The following CHFR variants were observed in gnomAD, a reference collection of about 807,000 sequenced individuals.
CHFR encodes the protein checkpoint with forkhead and ring finger domains, also known as E3 ubiquitin-protein ligase CHFR.
Under a neutral mutation model 87.6 loss-of-function variants are expected in CHFR, and 57 were observed. The observed-to-expected ratio is 0.65, with a 90% CI of 0.53 to 0.81. The LOEUF is 0.81. Among genes scored for constraint, CHFR ranks in the 30% least tolerant of loss-of-function variants. CHFR has a pLI of 0.00. For missense variants in CHFR, 797 were observed against 865.8 expected, an observed-to-expected ratio of 0.92 and a Z score of 1.00; for synonymous variants, 381 against 359.2, an observed-to-expected ratio of 1.06 and a Z score of -0.69.
At chr12:132,874,502 G>C (rs1410854773) in intron 3 of CHFR, among the ~76,000 whole-genome samples, 1 of 150,964 alleles carries the variant, frequency 6.6e-6, no homozygotes, top group Non-Finnish European at 1.5e-5. Context: ...CCTGGAACAG[G>C]TGGGAAGGCC....
chr12:132,844,925 G>A (rs991275062), intron 15 of CHFR, among the ~76,000 whole-genome samples: 1 of 152,076 alleles, frequency 6.6e-6, no homozygotes, highest in Non-Finnish European at 1.5e-5. Flanking sequence ...GAGCCTCCAC[G>A]CCCGGCCCCA....
chr12:132,843,117 T>G (rs1028946628), intron 16 of CHFR, 34 bp from the exon 17 acceptor site: 2 of 1,587,898 alleles, frequency 1.3e-6, no homozygotes, highest in East Asian at 4.5e-5. Flanking sequence ...ATCTATGAGA[T>G]GTATTGCACG....
intron 1 of CHFR, 68 bp from the exon 2 acceptor site, chr12:132,887,408 A>C (rs550808340): frequency 8.0e-6 from 9 of 1,131,212 alleles, no homozygotes; most frequent in South Asian, 4.1e-5. Context: ...CGCCCGCCCC[A>C]CCCCGCGGGC....
Position 132,858,725 on chromosome 12 carries a change from T to TAA in CHFR, c.911+341_911+342dup, listed in dbSNP as rs60137048. Reference sequence around the variant, plus strand: ...CCTGGTGACAGAGCGAGACTCCATCTAAAAAAAAAAAAAAAAAAAAAAAAA... The same window carrying TAA: ...CCTGGTGACAGAGCGAGACTCCATCTAAAAAAAAAAAAAAAAAAAAAAAAAAA... On this transcript the variant is annotated intron_variant, in intron 8 of 17. Transcript: ENST00000450056. 8.8e-3 allele frequency among the ~76,000 whole-genome samples: 237 copies of TAA among 26,804 alleles called. 14 individuals carry two copies. The highest frequency in any genetic ancestry group is 0.016 in the East Asian group (8 of 490). 17.6% of individuals were successfully genotyped at this position (26,804 alleles called of 152,430 possible). A position where few individuals can be genotyped will look rare whatever the true frequency, so the allele number is the denominator to read the frequency against.
intron 6 of CHFR, chr12:132,866,830 C>A (rs981213361): frequency 6.6e-6 from 1 of 152,240 alleles, no homozygotes; most frequent in African/African-American, 2.4e-5. Flanking sequence ...TTAGAACACT[C>A]TGCTCCTGGT....
Position 132,869,609 on chromosome 12 carries a change from G to A in CHFR, c.583+10C>T. On this transcript the variant is annotated intron_variant, in intron 6 of 17. Transcript: ENST00000450056. ...AACCAGCACCAAGACCTCATGAGAT[G>A]TGACCTCACCACAACTGGAGGAACG... 2 of 1,551,000 alleles carry A rather than the reference G, an allele frequency of 1.3e-6. No individual in the cohort carries two copies. The highest frequency in any genetic ancestry group is 1.2e-5 in the South Asian group (1 of 84,056).
At chr12:132,881,670 A>G (rs980120720) in intron 2 of CHFR, among the ~76,000 whole-genome samples, 1 of 152,134 alleles carries the variant, frequency 6.6e-6, no homozygotes, top group Non-Finnish European at 1.5e-5. Context: ...GATTGAGACC[A>G]TCCTGGCCAA....
chr12:132,859,543 G>C (rs1951168457), intron 7 of CHFR, among the ~76,000 whole-genome samples: 1 of 152,030 alleles, frequency 6.6e-6, no homozygotes, highest in African/African-American at 2.4e-5. Context: ...GTAGAGACAG[G>C]GTTTCACCGT....
At chr12:132,887,477 GC>G in intron 1 of CHFR, 69 bp downstream of exon 1, 2 of 519,956 alleles carry the variant, frequency 3.8e-6, no homozygotes, top group Non-Finnish European at 4.9e-6. Flanking sequence ...GCCGGCGGGC[GC>G]CCCCTCCCAC....
At position 132,861,598 on chromosome 12, in the gene CHFR, C is replaced by T. The variant is rs201192149; in HGVS notation, c.620G>A (p.Gly207Asp). Residue 207 changes from glycine to aspartate, a missense_variant, in exon 7 of 18, where the codon GGT (glycine) becomes GAT (aspartate). Physicochemically the swap from Gly to Asp is moderately conservative, Grantham distance 94. This residue lies in a region of CHFR where 597 missense variants were observed against 601.2 expected (regional missense o/e 0.99). Transcript: ENST00000450056. The part of the protein sequence containing the change: ...GGGGISPKGS[G>D]PSVASDEVSS... The stretch of plus-strand genomic sequence containing the variant: ...GACTTCATCACTTGCCACAGAGGGA[C>T]CACTTCCTTTAGGGGAGATGCCACC... 6.2e-7 allele frequency: 1 copy of T among 1,614,178 alleles called. No homozygotes were observed. Among genetic ancestry groups the T allele is most frequent in the African/African-American group, 1.3e-5 (1 of 75,038 alleles).
rs1238533142 is a variant in CHFR at position 132,872,406 on chromosome 12, CAAA to C, written c.234-15_234-13del. The C allele has an allele frequency of 6.3e-7, 1 of 1,577,258 alleles. No individual in the cohort carries two copies. Among genetic ancestry groups the C allele is most frequent in the Admixed American group, 1.7e-5 (1 of 59,028 alleles). ...CTGTTCCACTGGTGCTGTAAAAAAA[CAAA>C]AACACAATTTATTCTACTTAAAATA... On this transcript the variant is annotated splice_polypyrimidine_tract_variant and intron_variant, in intron 3 of 17. Transcript: ENST00000450056.
chr12:132,865,210 A>G (rs910477044), intron 6 of CHFR, among the ~76,000 whole-genome samples: 9 of 152,210 alleles, frequency 5.9e-5, no homozygotes, highest in African/African-American at 2.2e-4. Flanking sequence ...GAGTCAGTGC[A>G]TGCTGGATCT....
At chr12:132,870,244 C>T (rs961158650) in intron 5 of CHFR, among the ~76,000 whole-genome samples, 7 of 151,928 alleles carry the variant, frequency 4.6e-5, no homozygotes, top group African/African-American at 1.4e-4. Context: ...CCCAGCTACT[C>T]GGGAGGCTGA....
At position 132,833,484 on chromosome 12, in the gene CHFR, G is replaced by C. The variant is rs1048976793; in HGVS notation, c.*8070C>G. 6.6e-6 allele frequency: 1 copy of C among 152,248 alleles called. No homozygotes were observed. The highest frequency in any genetic ancestry group is 1.5e-5 in the Non-Finnish European group (1 of 68,058). The allele number at this position is 152,248 out of a possible 1,614,324, so 9.4% of individuals were successfully genotyped here. A position where few individuals can be genotyped will look rare whatever the true frequency, so the allele number is the denominator to read the frequency against. On this transcript the variant is annotated 3_prime_UTR_variant, in exon 18 of 18. Transcript: ENST00000450056. Reference sequence around the variant, plus strand: ...AGGCTCGCTGCTATTTCAGGCCGATGGTTGAGGGAGGACTTCTCAGGAGAA... The same window carrying C: ...AGGCTCGCTGCTATTTCAGGCCGATCGTTGAGGGAGGACTTCTCAGGAGAA...
chr12:132,859,297 C>T (rs1319923951), intron 7 of CHFR, 70 bp from the exon 8 acceptor site: 18 of 1,429,944 alleles, frequency 1.3e-5, no homozygotes, highest in African/African-American at 7.1e-5. Context: ...TCAAGGTCCC[C>T]GTCCACAGGA....
intron 6 of CHFR, among the ~76,000 whole-genome samples, chr12:132,865,596 C>T (rs1242421015): frequency 6.6e-6 from 1 of 150,782 alleles, no homozygotes; most frequent in Non-Finnish European, 1.5e-5. Flanking sequence ...AGGTCTCAAG[C>T]TCCTGACCTC....
chr12:132,859,321 T>C, intron 7 of CHFR, 94 bp from the exon 8 acceptor site: 1 of 1,224,910 alleles, frequency 8.2e-7, no homozygotes, highest in Non-Finnish European at 1.1e-6. Context: ...AGGGATGTGT[T>C]CTAACTGTCG....
chr12:132,878,139 C>T (rs1207766362), intron 2 of CHFR, among the ~76,000 whole-genome samples: 2 of 151,808 alleles, frequency 1.3e-5, no homozygotes, highest in African/African-American at 4.8e-5. Context: ...CTCTCAAAGA[C>T]ACCCATCAAT....
intron 10 of CHFR, chr12:132,854,071 T>G (rs1951009202): frequency 6.5e-6 from 1 of 153,106 alleles, no homozygotes; most frequent in Non-Finnish European, 1.5e-5. Flanking sequence ...AAAAAGAACC[T>G]GTAGGAAAAA....
Sources: allele counts gnomAD v4.1 joint callset (sites outside exome capture counted in the v4.1 genomes callset), GRCh38; gene constraint gnomAD v4.1.1; regional missense constraint gnomAD v4.1.1; transcripts MANE v1.5; gene names NCBI Gene and HGNC (gene_info 2026-07-23, HGNC 2026-07-21).